The following ITGA9 variants were observed in gnomAD, a reference collection of about 807,000 sequenced individuals.
The protein encoded by ITGA9 is integrin alpha-9.
In ITGA9, 56 loss-of-function variants were observed where a neutral mutation model predicts 127.8. The ratio of observed to expected loss-of-function variants is 0.44; its 90% CI spans 0.35 to 0.55. The LOEUF (loss-of-function observed/expected upper bound fraction) is 0.55, where lower values mean the gene tolerates loss of function less well. Ranked by LOEUF, ITGA9 falls within the 20% of genes least tolerant of loss-of-function variation. The pLI is 0.00. For missense variants in ITGA9, 1,196 were observed against 1,347.1 expected (o/e 0.89, Z 1.76); for synonymous variants, 508 against 514.5 (o/e 0.99, Z 0.17).
In ITGA9 at chr3:37,581,453, T is replaced by TTGGC. The variant is rs1699708882; in HGVS notation, c.1689+38880_1689+38883dup. ...GCATGGGGATGACACCCACAAGATG[T>TTGGC]TGGCTGGCTGGCTGGATTCATGACT... On this transcript the variant is annotated intron_variant, in intron 15 of 27. Coordinates refer to ENST00000264741, the MANE Select transcript of ITGA9 (RefSeq NM_002207.3). Among the ~76,000 whole-genome samples, 8 of 152,330 alleles carry TTGGC rather than the reference T, an allele frequency of 5.3e-5. No individual in the cohort carries two copies. In the South Asian group the frequency reaches 1.7e-3, roughly 32 times the overall value.
chr3:37,814,566 AC>A lies in ITGA9; in HGVS notation c.3010-4318del, dbSNP rs576627224. Among the ~76,000 whole-genome samples, 1,196 of 150,686 alleles carry A rather than the reference AC, an allele frequency of 7.9e-3. 3 individuals are homozygous for A. The highest frequency in any genetic ancestry group is 0.012 in the Non-Finnish European group (806 of 67,580). ...GCAACAGAGCGAGACTCCATCCCCC[AC>A]CCCCCCAAAAAAGAAACAATATTAG... On this transcript the variant is annotated intron_variant, in intron 27 of 27. Transcript: ENST00000264741. The surrounding 1 kb of genome is among the most constrained non-coding windows in gnomAD (Gnocchi z 4.3).
chr3:37,523,574 A>G lies in ITGA9; in HGVS notation c.1290A>G (p.Ile430Met), dbSNP rs1699065322. 1.2e-6 allele frequency: 2 copies of G among 1,613,874 alleles called. No homozygotes were observed. Among genetic ancestry groups the G allele is most frequent in the Admixed American group, 1.7e-5 (1 of 60,008 alleles). Residue 430 changes from isoleucine to methionine, a missense_variant, in exon 12 of 28, where the codon ATA becomes ATG. Transcript: ENST00000264741. ...TGCTCCGGATGTTTGGTCAGTCCAT[A>G]TCGGGAGGCATTGATATGGATGGAA... ...NPVLRMFGQS[I>M]SGGIDMDGNG...
chr3:37,669,127 T>C (rs138769373), intron 17 of ITGA9, among the ~76,000 whole-genome samples: 375 of 152,316 alleles, frequency 2.5e-3, no homozygotes, highest in African/African-American at 8.4e-3. Flanking sequence ...CAGGTGATCT[T>C]GATCCAAAAA....
intron 17 of ITGA9, among the ~76,000 whole-genome samples, chr3:37,668,088 G>T (rs1700602818): frequency 6.6e-6 from 1 of 152,170 alleles, no homozygotes; most frequent in African/African-American, 2.4e-5. Flanking sequence ...CCATACATGA[G>T]CAACAGATAG....
chr3:37,472,026 C>A (rs754029900), intron 2 of ITGA9, among the ~76,000 whole-genome samples: 13 of 152,080 alleles, frequency 8.5e-5, no homozygotes, highest in African/African-American at 1.2e-4. Context: ...TGCACTCCAG[C>A]CTGGGTGACA....
intron 9 of ITGA9, among the ~76,000 whole-genome samples, chr3:37,514,376 A>G (rs1025376770): frequency 3.3e-5 from 5 of 152,114 alleles, no homozygotes; most frequent in African/African-American, 4.8e-5. Context: ...GCATATGCAC[A>G]TTTTCCCAGG....
intron 1 of ITGA9, among the ~76,000 whole-genome samples, chr3:37,453,240 A>G (rs1419549752): frequency 6.6e-6 from 1 of 151,966 alleles, no homozygotes; most frequent in East Asian, 2.0e-4. Flanking sequence ...GCAGGTAGTT[A>G]TCTCTTGGGA....
intron 18 of ITGA9, among the ~76,000 whole-genome samples, chr3:37,698,071 T>C (rs1700904496): frequency 6.6e-6 from 1 of 152,246 alleles, no homozygotes; most frequent in Non-Finnish European, 1.5e-5. Flanking sequence ...TGATTTGCAT[T>C]TCTCTGATGG....
intron 15 of ITGA9, among the ~76,000 whole-genome samples, chr3:37,593,684 A>C (rs142867380): frequency 1.2e-4 from 18 of 152,308 alleles, no homozygotes; most frequent in Admixed American, 3.9e-4. Context: ...TAAAAATGTG[A>C]ATGTGGTGTT....
In ITGA9 at chr3:37,806,140, ATTCTCCTTT is replaced by A. The variant is rs1180621126; in HGVS notation, c.3009+2205_3009+2213del. The A allele has an allele frequency of 6.6e-6, 1 of 152,160 alleles. No homozygotes were observed. The highest frequency in any genetic ancestry group is 6.5e-5 in the Admixed American group (1 of 15,270). The allele number at this position is 152,160 out of a possible 1,614,324, so 9.4% of individuals were successfully genotyped here. A position where few individuals can be genotyped will look rare whatever the true frequency, so the allele number is the denominator to read the frequency against. On this transcript the variant is annotated intron_variant, in intron 27 of 27. Transcript: ENST00000264741. This position sits in a 1 kb window ranked among gnomAD's most constrained non-coding sequence, Gnocchi z 4.3. ...ATCCACATCGCCAGATAGATTCTTA[ATTCTCCTTT>A]TTCTCCAACTCCAACTCCTTCCTGC...
rs372235801 is a variant in ITGA9 at position 37,654,780 on chromosome 3, G to A, written c.1916+990G>A. 7.6e-4 allele frequency among the ~76,000 whole-genome samples: 115 copies of A among 152,188 alleles called. 1 individual carries two copies. The South Asian group carries it at 0.023, about 30-fold the overall frequency. On this transcript the variant is annotated intron_variant, in intron 17 of 27. Transcript: ENST00000264741. ...ACATAGGTATACACATGCCATGGTG[G>A]TTTGCTGCACCCATCAACCTGTCAT...
Position 37,600,529 on chromosome 3 carries a change from C to T in ITGA9, c.1690-28658C>T, listed in dbSNP as rs143833487. Among the ~76,000 whole-genome samples the T allele has an allele frequency of 1.5e-4, 23 of 152,272 alleles. 1 individual carries two copies. The highest frequency in any genetic ancestry group is 5.1e-4 in the African/African-American group (21 of 41,554). On this transcript the variant is annotated intron_variant, in intron 15 of 27. Transcript: ENST00000264741. The stretch of plus-strand genomic sequence containing the variant: ...AATGGGCTCCACGATGCAGGGCCCG[C>T]GGTAGAGAACAGCCAGGCAGAGCAG...
chr3:37,492,833 CTG>C (rs1185778976), intron 4 of ITGA9, among the ~76,000 whole-genome samples: 1 of 152,168 alleles, frequency 6.6e-6, no homozygotes, highest in African/African-American at 2.4e-5. Flanking sequence ...TAATATGTAA[CTG>C]TTTGTTTAGG....
chr3:37,523,713 T>C, intron 12 of ITGA9, 102 bp downstream of exon 12: 1 of 858,628 alleles, frequency 1.2e-6, no homozygotes, highest in Non-Finnish European at 2.0e-6. Context: ...CATTTAGGAT[T>C]AGGACAATTC....
chr3:37,696,991 C>T (rs775109548), intron 18 of ITGA9, among the ~76,000 whole-genome samples: 2 of 151,976 alleles, frequency 1.3e-5, no homozygotes, highest in Admixed American at 1.3e-4. Context: ...GAAACCAGGG[C>T]GAGATATCCA....
intron 15 of ITGA9, among the ~76,000 whole-genome samples, chr3:37,604,844 C>T (rs1359284866): frequency 6.6e-6 from 1 of 152,098 alleles, no homozygotes; most frequent in Non-Finnish European, 1.5e-5. Context: ...GCTTCCTCTC[C>T]CCTTCCATGA....
intron 17 of ITGA9, among the ~76,000 whole-genome samples, chr3:37,675,788 G>T (rs1575188662): frequency 7.3e-6 from 1 of 136,174 alleles, no homozygotes; most frequent in Admixed American, 7.9e-5. Flanking sequence ...TCTTTTGCCA[G>T]ACTGGAGTGC....
intron 17 of ITGA9, among the ~76,000 whole-genome samples, chr3:37,679,314 A>G (rs941160320): frequency 6.6e-6 from 1 of 152,098 alleles, no homozygotes; most frequent in Non-Finnish European, 1.5e-5. Flanking sequence ...CAAAAACTCT[A>G]TGCTTGATCG....
intron 21 of ITGA9, among the ~76,000 whole-genome samples, chr3:37,742,841 A>G (rs1008989966): frequency 1.3e-5 from 2 of 152,222 alleles, no homozygotes; most frequent in Admixed American, 6.5e-5. Context: ...TTTTTTAAAC[A>G]TGAGGTACTG....
Sources: gnomAD v4.1 joint callset for allele counts (sites outside exome capture counted in the v4.1 genomes callset) on GRCh38, gnomAD v4.1.1 for gene constraint, Gnocchi (gnomAD v3.1) non-coding constraint, MANE v1.5 for transcripts, NCBI Gene and HGNC (gene_info 2026-07-23, HGNC 2026-07-21) for gene names.